NBAS: variants seen among roughly 807,000 people sequenced by gnomAD.
NBAS encodes NAG/BC035112 fusion.
A neutral mutation model predicts 302.5 loss-of-function variants in NBAS; 219 were observed. The ratio of observed to expected loss-of-function variants is 0.72; its 90% CI spans 0.65 to 0.81. The LOEUF (loss-of-function observed/expected upper bound fraction) is 0.81. Among genes scored for constraint, NBAS ranks in the 30% least tolerant of loss-of-function variants. NBAS has a pLI of 0.00. For synonymous variants in NBAS, 1,118 were observed against 1,021.6 expected (o/e 1.09, Z -1.80); for missense variants, 2,932 against 2,841.6 (o/e 1.03, Z -0.72).
the NBAS span, among the ~76,000 whole-genome samples, chr2:14,872,235 A>C: frequency 6.6e-6 from 1 of 152,164 alleles, no homozygotes; most frequent in African/African-American, 2.4e-5. Flanking sequence ...TAAAAGACAT[A>C]AAACTGATAA....
the NBAS span, among the ~76,000 whole-genome samples, chr2:14,973,356 T>A: frequency 1.3e-5 from 2 of 152,218 alleles, no homozygotes; most frequent in Non-Finnish European, 2.9e-5. Context: ...AAAATTCTTA[T>A]ATAAAATAAA....
At chr2:14,895,726 C>A in the NBAS span, among the ~76,000 whole-genome samples, 1 of 136,878 alleles carries the variant, frequency 7.3e-6, no homozygotes, top group Non-Finnish European at 1.6e-5. Flanking sequence ...GGTGACAGAG[C>A]GAGACTCCGT....
intron 30 of NBAS, among the ~76,000 whole-genome samples, chr2:15,376,487 A>C (rs76207157): frequency 0.012 from 1,786 of 152,330 alleles, 36 homozygotes; most frequent in African/African-American, 0.039. Flanking sequence ...TTTGAAATAA[A>C]AATAGAATCG....
At chr2:15,186,292 C>T (rs140385523) in intron 50 of NBAS, among the ~76,000 whole-genome samples, 4,578 of 152,076 alleles carry the variant, frequency 0.03, 93 homozygotes, top group Middle Eastern at 0.051. Flanking sequence ...GACCATACTT[C>T]GCAGAGAAAG....
chr2:15,434,865 T>C (rs577795217), intron 21 of NBAS, among the ~76,000 whole-genome samples: 3 of 152,252 alleles, frequency 2.0e-5, no homozygotes, highest in East Asian at 1.9e-4. Flanking sequence ...AGTACATATC[T>C]ACAACTGCCA....
chr2:15,067,263 T>C, the NBAS span, among the ~76,000 whole-genome samples: 1 of 150,680 alleles, frequency 6.6e-6, no homozygotes, highest in East Asian at 2.0e-4. Context: ...GAGGATCACT[T>C]AAGCCTGGGA....
At chr2:14,836,351 T>A in the NBAS span, among the ~76,000 whole-genome samples, 3 of 151,928 alleles carry the variant, frequency 2.0e-5, no homozygotes, top group South Asian at 2.1e-4. Flanking sequence ...TAGGTTTTTT[T>A]AAATAAGCTA....
rs374067971 is a variant in NBAS at position 15,498,929 on chromosome 2, CTTT to C, written c.954+5213_954+5215del. Among the ~76,000 whole-genome samples, 277 of 133,472 alleles carry C rather than the reference CTTT, an allele frequency of 2.1e-3. 1 individual carries two copies. The highest frequency in any genetic ancestry group is 2.9e-3 in the African/African-American group (103 of 36,064). The allele number at this position is 133,472 out of a possible 152,430, so 87.6% of individuals were successfully genotyped here. The stretch of plus-strand genomic sequence containing the variant: ...TAAATTACCCAGTCTCAGGGAGTTA[CTTT>C]TTTTTTTTTTTTTTTGAGACAGTCT... On this transcript the variant is annotated intron_variant, in intron 11 of 51. Transcript: ENST00000281513.
the NBAS span, among the ~76,000 whole-genome samples, chr2:15,121,981 T>C: frequency 6.6e-6 from 1 of 152,112 alleles, no homozygotes; most frequent in Admixed American, 6.5e-5. Context: ...AGACCACCAG[T>C]GGGGCCCATG....
chr2:15,512,311 C>T (rs1662179975), intron 9 of NBAS, among the ~76,000 whole-genome samples: 2 of 152,144 alleles, frequency 1.3e-5, no homozygotes, highest in South Asian at 2.1e-4. Flanking sequence ...CAATACGGAC[C>T]CTTCAAGACC....
chr2:14,972,961 A>C, the NBAS span, among the ~76,000 whole-genome samples: 1 of 152,208 alleles, frequency 6.6e-6, no homozygotes, highest in East Asian at 1.9e-4. Flanking sequence ...CATCAAACAC[A>C]CAATGGAGAA....
the NBAS span, among the ~76,000 whole-genome samples, chr2:14,994,735 T>A: frequency 3.9e-5 from 6 of 152,208 alleles, no homozygotes; most frequent in African/African-American, 1.4e-4. Flanking sequence ...CCGTTACCTG[T>A]CCCACATGGA....
At chr2:14,833,950 T>C in the NBAS span, among the ~76,000 whole-genome samples, 1 of 152,162 alleles carries the variant, frequency 6.6e-6, no homozygotes, top group Non-Finnish European at 1.5e-5. Flanking sequence ...TCTGCAATAT[T>C]ACAAGAACAG....
chr2:15,480,501 G>A (rs1680385105), intron 12 of NBAS, among the ~76,000 whole-genome samples: 2 of 152,026 alleles, frequency 1.3e-5, no homozygotes, highest in South Asian at 4.2e-4. Context: ...TAGATAAAAG[G>A]TATAGGGGCC....
rs575490441 is a variant in NBAS at position 15,232,243 on chromosome 2, T to C, written c.6236+179A>G. ...AATGCTCTCCATGGCAAGCAGGACC[T>C]GGAGCTGGTGGGGTCAGCACAGAGC... is the stretch of plus-strand genomic sequence containing the variant. On this transcript the variant is annotated intron_variant, in intron 47 of 51. Transcript: ENST00000281513. Among the ~76,000 whole-genome samples, 9 of 152,300 alleles carry C rather than the reference T, an allele frequency of 5.9e-5. No homozygotes were observed. The South Asian group carries it at 1.9e-3, about 32-fold the overall frequency.
At chr2:15,355,319 A>AAAC (rs200554858) in intron 33 of NBAS, among the ~76,000 whole-genome samples, 69 of 152,042 alleles carry the variant, frequency 4.5e-4, no homozygotes, top group South Asian at 1.9e-3. Context: ...CATGATAAGA[A>AAAC]AACAACAACA....
At chr2:14,890,934 C>T in the NBAS span, 1 of 152,070 alleles carries the variant, frequency 6.6e-6, no homozygotes, top group African/African-American at 2.4e-5. Flanking sequence ...TCAAAAATAC[C>T]CATTGGTAAA....
In NBAS at chr2:15,561,317, C is replaced by T. The variant is rs531325297; in HGVS notation, c.-13G>A. ...CGGGGGCCGCCATGTTCGCCGAGGA[C>T]TCAGGCAGCGGAGGAGTGTCTCTAC... On this transcript the variant is annotated 5_prime_UTR_variant, in exon 1 of 52. Coordinates refer to ENST00000281513, the MANE Select transcript of NBAS (RefSeq NM_015909.4). 5.0e-5 allele frequency: 81 copies of T among 1,609,922 alleles called. No homozygotes were observed. Among genetic ancestry groups the T allele is most frequent in the Admixed American group, 3.8e-4 (23 of 60,020 alleles).
At chr2:15,258,158 C>T (rs1285010818) in intron 44 of NBAS, among the ~76,000 whole-genome samples, 1 of 152,152 alleles carries the variant, frequency 6.6e-6, no homozygotes, top group African/African-American at 2.4e-5. Flanking sequence ...CCCTAATACT[C>T]ATAATTTCTT....
Sources: allele counts gnomAD v4.1 joint callset (sites outside exome capture counted in the v4.1 genomes callset), GRCh38; gene constraint gnomAD v4.1.1; transcripts MANE v1.5; gene names NCBI Gene and HGNC (gene_info 2026-07-23, HGNC 2026-07-21).